TBCA: variants seen among roughly 807,000 people sequenced by gnomAD.
The protein encoded by TBCA is tubulin folding cofactor A.
A neutral mutation model predicts 15.8 loss-of-function variants in TBCA; 6 were observed. The observed-to-expected ratio is 0.38, with a 90% CI of 0.21 to 0.75. TBCA has a LOEUF of 0.75. Ranked by LOEUF, TBCA falls within the 30% of genes least tolerant of loss-of-function variation. The pLI is 0.46. For synonymous variants in TBCA, 32 were observed against 42.3 expected, an observed-to-expected ratio of 0.76 and a Z score of 0.94; for missense variants, 90 against 131.2, an observed-to-expected ratio of 0.69 and a Z score of 1.53.
At chr5:77,772,643 AG>A (rs1452474735) in intron 1 of TBCA, among the ~76,000 whole-genome samples, 2 of 152,066 alleles carry the variant, frequency 1.3e-5, no homozygotes, top group Non-Finnish European at 2.9e-5. Context: ...CAGCTAAAAC[AG>A]AAAGTTTAGG....
rs1746275846 is a variant in TBCA, at chr5:77,711,424, C to T, written c.54-3077G>A. 2.0e-5 allele frequency among the ~76,000 whole-genome samples: 3 copies of T among 152,034 alleles called. No individual in the cohort carries two copies. The South Asian group carries it at 6.2e-4, about 32-fold the overall frequency. ...TTATATCAGCATTAACACACTACAC[C>T]GAAGCCATTTACTTGCTAGGTCTTA... On this transcript the variant is annotated intron_variant, in intron 1 of 3. Transcript: ENST00000380377.
At chr5:77,738,862 C>T (rs894038536) in intron 1 of TBCA, among the ~76,000 whole-genome samples, 2 of 152,088 alleles carry the variant, frequency 1.3e-5, no homozygotes, top group Non-Finnish European at 2.9e-5. Flanking sequence ...GGATTACAGG[C>T]GTGAGCCACT....
chr5:77,733,986 T>G (rs985040080), intron 1 of TBCA, among the ~76,000 whole-genome samples: 8 of 152,366 alleles, frequency 5.3e-5, no homozygotes, highest in Non-Finnish European at 2.9e-5. Context: ...ATAAGAATTA[T>G]GCTAAATCTC....
chr5:77,712,118 C>G (rs1466215072), intron 1 of TBCA, among the ~76,000 whole-genome samples: 2 of 152,120 alleles, frequency 1.3e-5, no homozygotes, highest in Non-Finnish European at 2.9e-5. Flanking sequence ...GATGACAAGT[C>G]AGATGATGCT....
chr5:77,699,238 T>C (rs555179810), intron 2 of TBCA, among the ~76,000 whole-genome samples: 2 of 152,176 alleles, frequency 1.3e-5, no homozygotes, highest in South Asian at 4.1e-4. Flanking sequence ...AAGTGTTTTA[T>C]AGATACAGAC....
chr5:77,724,356 T>C (rs1746585934), intron 1 of TBCA, among the ~76,000 whole-genome samples: 1 of 152,148 alleles, frequency 6.6e-6, no homozygotes, highest in African/African-American at 2.4e-5. Context: ...TAGTCATAAC[T>C]AAGCATCTGT....
chr5:77,719,811 C>T (rs1746487591), intron 1 of TBCA, among the ~76,000 whole-genome samples: 1 of 152,086 alleles, frequency 6.6e-6, no homozygotes, highest in African/African-American at 2.4e-5. Context: ...AAAGGTCCCT[C>T]AAAGGTCCTG....
In TBCA at chr5:77,722,398, T is replaced by A. The variant is rs1422831654; in HGVS notation, c.54-14051A>T. On this transcript the variant is annotated intron_variant, in intron 1 of 3. Transcript: ENST00000380377. Reference sequence around the variant, plus strand: ...CTTTCTTTTATAGAGGAAAAAGGAATGCTCTTCAAAGAAATGTTAATAGAT... The same window carrying A: ...CTTTCTTTTATAGAGGAAAAAGGAAAGCTCTTCAAAGAAATGTTAATAGAT... 1.3e-5 allele frequency among the ~76,000 whole-genome samples: 2 copies of A among 152,010 alleles called. 1 individual carries two copies. Among genetic ancestry groups the A allele is most frequent in the Non-Finnish European group, 2.9e-5 (2 of 67,876 alleles).
chr5:77,757,944 A>G (rs1383760411), intron 1 of TBCA, among the ~76,000 whole-genome samples: 2 of 152,170 alleles, frequency 1.3e-5, no homozygotes, highest in African/African-American at 4.8e-5. Context: ...GTCTGCAGCA[A>G]TCTCAATTCT....
At chr5:77,740,383 G>A (rs1421231775) in intron 1 of TBCA, among the ~76,000 whole-genome samples, 1 of 152,124 alleles carries the variant, frequency 6.6e-6, no homozygotes, top group Non-Finnish European at 1.5e-5. Flanking sequence ...AGGGGAGAGT[G>A]GTAGTAATCC....
intron 1 of TBCA, among the ~76,000 whole-genome samples, chr5:77,761,158 G>A (rs897882372): frequency 1.8e-4 from 28 of 152,184 alleles, no homozygotes; most frequent in African/African-American, 5.3e-4. Flanking sequence ...CATCGAGAAC[G>A]GGCCATGATG....
At chr5:77,729,871 T>C (rs1355630038) in intron 1 of TBCA, among the ~76,000 whole-genome samples, 1 of 152,220 alleles carries the variant, frequency 6.6e-6, no homozygotes, top group Non-Finnish European at 1.5e-5. Flanking sequence ...AATATAAGAC[T>C]AGGACCCATT....
chr5:77,692,622 T>C, intron 3 of TBCA: 1 of 985,436 alleles, frequency 1.0e-6, no homozygotes, highest in Non-Finnish European at 1.2e-6. Flanking sequence ...TCTATTACTT[T>C]CTCAGCTACT....
At chr5:77,758,603 C>T (rs1747533377) in intron 1 of TBCA, among the ~76,000 whole-genome samples, 1 of 152,220 alleles carries the variant, frequency 6.6e-6, no homozygotes, top group Non-Finnish European at 1.5e-5. Context: ...TTGTCCACGG[C>T]TCGTCCTGCT....
intron 1 of TBCA, among the ~76,000 whole-genome samples, chr5:77,744,145 T>C (rs190397608): frequency 6.6e-6 from 1 of 152,294 alleles, no homozygotes; most frequent in Non-Finnish European, 1.5e-5. Flanking sequence ...CTCATACCTA[T>C]GGTTCTATCT....
At chr5:77,771,107 C>A (rs1013956351) in intron 1 of TBCA, among the ~76,000 whole-genome samples, 1 of 151,902 alleles carries the variant, frequency 6.6e-6, no homozygotes, top group East Asian at 1.9e-4. Flanking sequence ...GGTGACACAG[C>A]GAGACTCTGA....
At chr5:77,746,452 T>C (rs2112486300) in intron 1 of TBCA, among the ~76,000 whole-genome samples, 1 of 152,270 alleles carries the variant, frequency 6.6e-6, no homozygotes, top group African/African-American at 2.4e-5. Flanking sequence ...AAGATTGTCA[T>C]ACTATGCACT....
chr5:77,773,406 T>C (rs531208809), intron 1 of TBCA, among the ~76,000 whole-genome samples: 1 of 152,292 alleles, frequency 6.6e-6, no homozygotes, highest in South Asian at 2.1e-4. Flanking sequence ...ATCCAAACAG[T>C]ATTATTAACA....
intron 1 of TBCA, among the ~76,000 whole-genome samples, chr5:77,742,649 A>G (rs1040769520): frequency 1.3e-5 from 2 of 152,230 alleles, no homozygotes; most frequent in African/African-American, 4.8e-5. Flanking sequence ...ATGTTCAGGT[A>G]ATATGATTTT....
Sources: allele counts gnomAD v4.1 joint callset (sites outside exome capture counted in the v4.1 genomes callset), GRCh38; gene constraint gnomAD v4.1.1; transcripts MANE v1.5; gene names NCBI Gene and HGNC (gene_info 2026-07-23, HGNC 2026-07-21).